Variants in LRRC4C observed in about 807,000 individuals in gnomAD.
The protein encoded by LRRC4C is leucine-rich repeat-containing protein 4C.
Under a neutral mutation model 33.6 loss-of-function variants are expected in LRRC4C, and 5 were observed. The observed-to-expected ratio is 0.15, with a 90% confidence interval of 0.08 to 0.31. The LOEUF (loss-of-function observed/expected upper bound fraction) is 0.31. Ranked by LOEUF, LRRC4C falls within the 10% of genes least tolerant of loss-of-function variation. LRRC4C has a pLI of 1.00. For synonymous variants in LRRC4C, 329 were observed against 302.0 expected, an observed-to-expected ratio of 1.09 and a Z score of -0.93; for missense variants, 560 against 796.7, an observed-to-expected ratio of 0.70 and a Z score of 3.58.
chr11:40,313,908 C>T (rs1285559970), intron 4 of LRRC4C, among the ~76,000 whole-genome samples: 1 of 151,984 alleles, frequency 6.6e-6, no homozygotes, highest in Non-Finnish European at 1.5e-5. Flanking sequence ...CCGCCGCGCC[C>T]GGCCCGTGGG....
At chr11:40,708,354 C>T (rs1017981477) in intron 2 of LRRC4C, among the ~76,000 whole-genome samples, 6 of 152,150 alleles carry the variant, frequency 3.9e-5, no homozygotes, top group African/African-American at 9.7e-5. Flanking sequence ...GCATTTAGTG[C>T]TATAAATTTC....
chr11:41,149,834 T>A (rs972834806), intron 1 of LRRC4C, among the ~76,000 whole-genome samples: 27 of 152,138 alleles, frequency 1.8e-4, no homozygotes, highest in Non-Finnish European at 2.1e-4. Flanking sequence ...TCTATTTAAT[T>A]TAGCTAAAAT....
Position 40,368,517 on chromosome 11 carries a change from G to A in LRRC4C, c.-269-48796C>T, listed in dbSNP as rs116939162. Among the ~76,000 whole-genome samples, 384 of 152,218 alleles carry A rather than the reference G, an allele frequency of 2.5e-3. 2 individuals are homozygous for A. Among genetic ancestry groups the A allele is most frequent in the Non-Finnish European group, 3.9e-3 (265 of 67,998 alleles). On this transcript the variant is annotated intron_variant, in intron 3 of 6. Coordinates refer to ENST00000528697, the MANE Select transcript of LRRC4C (RefSeq NM_001258419.2). Reference sequence around the variant, plus strand: ...TGTCTTTATTCCCACTAGACAGTACGTTTTATATGACAAACAGCTCAATTC... The same window carrying A: ...TGTCTTTATTCCCACTAGACAGTACATTTTATATGACAAACAGCTCAATTC...
intron 3 of LRRC4C, among the ~76,000 whole-genome samples, chr11:40,397,542 C>A (rs1308010137): frequency 6.6e-6 from 1 of 152,092 alleles, no homozygotes; most frequent in East Asian, 1.9e-4. Context: ...TTCTTTGCCC[C>A]TTTTGTGTCA....
intron 3 of LRRC4C, among the ~76,000 whole-genome samples, chr11:40,416,151 C>G (rs1423339458): frequency 6.6e-6 from 1 of 152,068 alleles, no homozygotes; most frequent in Non-Finnish European, 1.5e-5. Flanking sequence ...AATTCAATAC[C>G]TTCAACAATG....
intron 1 of LRRC4C, among the ~76,000 whole-genome samples, chr11:41,263,511 T>C (rs1949049860): frequency 1.3e-5 from 2 of 152,180 alleles, no homozygotes; most frequent in African/African-American, 2.4e-5. Context: ...TGGTTTGGGC[T>C]TTATGATTAT....
intron 1 of LRRC4C, among the ~76,000 whole-genome samples, chr11:41,393,921 T>C (rs1201424632): frequency 6.6e-6 from 1 of 152,008 alleles, no homozygotes; most frequent in Non-Finnish European, 1.5e-5. Flanking sequence ...TCTATATGTG[T>C]ATTAATTAGG....
intron 2 of LRRC4C, among the ~76,000 whole-genome samples, chr11:40,666,838 A>G (rs890220062): frequency 3.3e-5 from 5 of 152,178 alleles, no homozygotes; most frequent in African/African-American, 1.2e-4. Flanking sequence ...TGCATAGGCT[A>G]TCCTAGCCAG....
intron 1 of LRRC4C, among the ~76,000 whole-genome samples, chr11:41,217,560 T>A (rs908277033): frequency 2.0e-5 from 3 of 152,190 alleles, no homozygotes; most frequent in African/African-American, 7.2e-5. Flanking sequence ...GAACCAGTAA[T>A]TTTGTTTAGA....
chr11:40,370,840 A>C (rs923301582), intron 3 of LRRC4C, among the ~76,000 whole-genome samples: 2 of 152,246 alleles, frequency 1.3e-5, no homozygotes, highest in African/African-American at 4.8e-5. Context: ...AAAACACCCA[A>C]AAATGAAATA....
chr11:41,163,933 T>G (rs992134921), intron 1 of LRRC4C, among the ~76,000 whole-genome samples: 2 of 152,202 alleles, frequency 1.3e-5, no homozygotes, highest in African/African-American at 4.8e-5. Context: ...AACTTTTTTA[T>G]TTGTATTTGT....
chr11:40,670,181 T>C (rs1035219992), intron 2 of LRRC4C, among the ~76,000 whole-genome samples: 2 of 152,198 alleles, frequency 1.3e-5, no homozygotes, highest in African/African-American at 4.8e-5. Flanking sequence ...TTATAGTCAC[T>C]TAAAGGTGAA....
chr11:41,256,199 TC>T (rs1948792972), intron 1 of LRRC4C, among the ~76,000 whole-genome samples: 1 of 151,910 alleles, frequency 6.6e-6, no homozygotes, highest in African/African-American at 2.4e-5. Context: ...CTGCCAACAC[TC>T]CCGCATAGCT....
intron 1 of LRRC4C, among the ~76,000 whole-genome samples, chr11:41,165,790 G>A (rs1944694666): frequency 6.6e-6 from 1 of 152,114 alleles, no homozygotes; most frequent in Non-Finnish European, 1.5e-5. Context: ...AGCACTTTGG[G>A]AGGCCGAGGT....
At chr11:40,832,060 G>A (rs1456381949) in intron 2 of LRRC4C, among the ~76,000 whole-genome samples, 1 of 152,060 alleles carries the variant, frequency 6.6e-6, no homozygotes, top group Non-Finnish European at 1.5e-5. Flanking sequence ...GATTGTTATT[G>A]CGTGTACTTA....
intron 2 of LRRC4C, among the ~76,000 whole-genome samples, chr11:40,700,247 CTT>C: frequency 6.6e-6 from 1 of 152,062 alleles, no homozygotes; most frequent in East Asian, 1.9e-4. Flanking sequence ...GTGAGACAGT[CTT>C]TGGATATTTC....
intron 3 of LRRC4C, among the ~76,000 whole-genome samples, chr11:40,501,634 G>T (rs925884422): frequency 1.3e-5 from 2 of 152,092 alleles, no homozygotes; most frequent in African/African-American, 4.8e-5. Context: ...GGAGTGGCTG[G>T]GAAGCAGGGC....
At chr11:40,664,098 T>C (rs1318407510) in intron 2 of LRRC4C, among the ~76,000 whole-genome samples, 1 of 152,188 alleles carries the variant, frequency 6.6e-6, no homozygotes, top group East Asian at 1.9e-4. Flanking sequence ...TCTGCATACA[T>C]AGGAGAAATT....
At chr11:40,469,177 T>C (rs1466075071) in intron 3 of LRRC4C, among the ~76,000 whole-genome samples, 3 of 152,244 alleles carry the variant, frequency 2.0e-5, no homozygotes, top group East Asian at 1.9e-4. Context: ...CCAACTGAGG[T>C]ACCCGGGTCA....
Sources: allele counts gnomAD v4.1 joint callset (sites outside exome capture counted in the v4.1 genomes callset), GRCh38; gene constraint gnomAD v4.1.1; transcripts MANE v1.5; gene names NCBI Gene and HGNC (gene_info 2026-07-23, HGNC 2026-07-21).